The following ESYT3 variants were observed in gnomAD, a reference collection of about 807,000 sequenced individuals.
ESYT3 encodes the protein extended synaptotagmin-3.
ESYT3 carries 101 observed loss-of-function variants against 111.5 expected under a neutral mutation model. That is an observed-to-expected ratio of 0.91 (90% CI 0.77 to 1.07). ESYT3 has a LOEUF of 1.07. ESYT3 is among the 50% of genes least tolerant of loss of function. The pLI, the probability that ESYT3 is intolerant of heterozygous loss-of-function variation, is 0.00. For synonymous variants in ESYT3, 416 were observed against 446.8 expected (o/e 0.93, Z 0.87); for missense variants, 1,097 against 1,109.4 (o/e 0.99, Z 0.16).
At chr3:138,456,187 C>T (rs2032266983) in intron 3 of ESYT3, among the ~76,000 whole-genome samples, 1 of 152,240 alleles carries the variant, frequency 6.6e-6, no homozygotes, top group Admixed American at 6.5e-5. Flanking sequence ...TCTGTTGGTT[C>T]ATGCATTCAT....
chr3:138,461,270 C>T (rs900934668), intron 7 of ESYT3, among the ~76,000 whole-genome samples: 14 of 152,172 alleles, frequency 9.2e-5, no homozygotes, highest in Non-Finnish European at 2.1e-4. Flanking sequence ...TTCCCCTGAC[C>T]GTGGTCACAA....
chr3:138,437,352 G>C (rs2030789751), intron 1 of ESYT3, among the ~76,000 whole-genome samples: 1 of 152,216 alleles, frequency 6.6e-6, no homozygotes, highest in South Asian at 2.1e-4. Flanking sequence ...GGGAAAGGCT[G>C]GCTTCAGCCT....
At chr3:138,437,676 G>A (rs1207053489) in intron 1 of ESYT3, among the ~76,000 whole-genome samples, 1 of 152,156 alleles carries the variant, frequency 6.6e-6, no homozygotes, top group African/African-American at 2.4e-5. Flanking sequence ...ATGGTGGGAC[G>A]AGGAAGGCTG....
At chr3:138,473,013 G>A in intron 18 of ESYT3, 154 bp downstream of exon 18, 1 of 1,477,328 alleles carries the variant, frequency 6.8e-7, no homozygotes, top group Non-Finnish European at 8.9e-7. Flanking sequence ...AAAGAACACA[G>A]GACAAGGGAG....
chr3:138,436,697 AG>A (rs2030723932), intron 1 of ESYT3, among the ~76,000 whole-genome samples: 1 of 152,166 alleles, frequency 6.6e-6, no homozygotes, highest in Non-Finnish European at 1.5e-5. Context: ...TGATTCTGAA[AG>A]GTGTGGACCC....
chr3:138,450,562 C>T (rs1406335228), intron 1 of ESYT3, among the ~76,000 whole-genome samples: 1 of 152,212 alleles, frequency 6.6e-6, no homozygotes, highest in African/African-American at 2.4e-5. Flanking sequence ...GCAAGGGAAA[C>T]TGAGGCTGGG....
At chr3:138,458,473 T>C (rs774006) in intron 4 of ESYT3, among the ~76,000 whole-genome samples, 116,032 of 152,214 alleles carry the variant, frequency 0.76, 44,433 homozygotes, top group East Asian at 0.95. Context: ...TCTGGCTCAC[T>C]CCTGCCCTTT....
intron 18 of ESYT3, 85 bp from the exon 19 acceptor site, chr3:138,473,451 C>A (rs1576468984): frequency 7.4e-6 from 9 of 1,208,128 alleles, no homozygotes; most frequent in South Asian, 1.3e-5. Context: ...ACTCCTCAAG[C>A]AGGAATGCTT....
chr3:138,460,657 C>G lies in ESYT3; in HGVS notation c.785C>G (p.Pro262Arg), dbSNP rs760640866. 6.2e-7 allele frequency: 1 copy of G among 1,614,036 alleles called. No individual in the cohort carries two copies. The highest frequency in any genetic ancestry group is 8.5e-7 in the Non-Finnish European group (1 of 1,179,922). Residue 262 changes from proline (P) to arginine (R), a missense_variant, in exon 7 of 23, where the codon CCG (proline) becomes CGG (arginine). Pro to Arg is a moderately radical substitution (Grantham distance 103, BLOSUM62 -2). Transcript: ENST00000389567. ...WTGLTNLLDAPGINDVSDSLL... is the reference protein window; with the variant it reads ...WTGLTNLLDARGINDVSDSLL... Reference sequence around the variant, plus strand: ...GGCCTGACCAACCTGCTGGATGCGCCGGGAATCAAGTAGGTGCCTGGGAGA... The same window carrying G: ...GGCCTGACCAACCTGCTGGATGCGCGGGGAATCAAGTAGGTGCCTGGGAGA...
chr3:138,476,384 C>G (rs2033482372), intron 21 of ESYT3, 56 bp downstream of exon 21: 1 of 1,603,506 alleles, frequency 6.2e-7, no homozygotes, highest in Non-Finnish European at 8.5e-7. Context: ...TCGCCTTATC[C>G]CAATTTCTTT....
At chr3:138,456,280 T>C (rs1295418005) in intron 3 of ESYT3, among the ~76,000 whole-genome samples, 1 of 152,270 alleles carries the variant, frequency 6.6e-6, no homozygotes, top group Non-Finnish European at 1.5e-5. Context: ...CACCCCTTCC[T>C]GTGGGAGGAA....
intron 16 of ESYT3, 43 bp downstream of exon 16, chr3:138,470,189 T>C (rs2347469): frequency 0.76 from 1,210,814 of 1,594,308 alleles, 461,443 homozygotes; most frequent in East Asian, 0.95. Context: ...TAAGAGGTTT[T>C]TAAGCCAGGC....
At position 138,434,849 on chromosome 3, in the gene ESYT3, C is replaced by G; in HGVS notation, c.51C>G (p.Ala17=). 1 of 1,549,876 alleles carries G rather than the reference C, an allele frequency of 6.5e-7. No homozygotes were observed. Among genetic ancestry groups the G allele is most frequent in the Non-Finnish European group, 8.7e-7 (1 of 1,147,196 alleles). The change falls in exon 1 of 23, where the codon GCC becomes GCG. Residue 17 remains alanine (A), a synonymous_variant. Coordinates refer to ENST00000389567, the MANE Select transcript of ESYT3 (RefSeq NM_031913.5). The part of the protein sequence containing the change: ...CAPGAPSALG[A]QRTPGPELRL... The stretch of plus-strand genomic sequence containing the variant: ...CCGGGGCCCCCAGCGCCCTGGGAGC[C>G]CAGCGCACGCCGGGCCCCGAGCTGC...
At chr3:138,469,605 C>A in intron 15 of ESYT3, 101 bp downstream of exon 15, 1 of 852,256 alleles carries the variant, frequency 1.2e-6, no homozygotes, top group Non-Finnish European at 1.9e-6. Flanking sequence ...TGGTGAATGC[C>A]TAGTAGGCAC....
Position 138,472,476 on chromosome 3 carries a change from A to T in ESYT3, c.1854A>T (p.Gln618His), listed in dbSNP as rs780146769. The T allele has an allele frequency of 6.2e-7, 1 of 1,614,222 alleles. No homozygotes were observed. Among genetic ancestry groups the T allele is most frequent in the Non-Finnish European group, 8.5e-7 (1 of 1,180,046 alleles). The change falls in exon 18 of 23, where the codon CAA becomes CAT. Residue 618 changes from glutamine to histidine, a missense_variant. By Grantham distance (24) the Gln-to-His change is conservative. Coordinates refer to ENST00000389567, the MANE Select transcript of ESYT3 (RefSeq NM_031913.5). The stretch of plus-strand genomic sequence containing the variant: ...CTACCAACCAGGGTCCCAAAGCCCA[A>T]CCTCAGGAAGAAGGCCCTACAGATT... ...KVATNQGPKA[Q>H]PQEEGPTDLP...
At chr3:138,461,955 G>C in intron 7 of ESYT3, 131 bp from the exon 8 acceptor site, 1 of 1,303,938 alleles carries the variant, frequency 7.7e-7, no homozygotes, top group Non-Finnish European at 1.1e-6. Flanking sequence ...CAGGCAAGTG[G>C]GGTCAGGGCT....
rs2033527366 is a variant in ESYT3 at position 138,477,234 on chromosome 3, C to CATAGGGG, written c.*380_*381insATAGGGG. 6.1e-6 allele frequency: 1 copy of CATAGGGG among 165,060 alleles called. No homozygotes were observed. The highest frequency in any genetic ancestry group is 2.4e-5 in the African/African-American group (1 of 41,572). 10.2% of individuals were successfully genotyped at this position (165,060 alleles called of 1,614,324 possible). ...AATGTATGTACCAGAAAGTGTCCTG[C>CATAGGGG]CTCTGGCATAGGGGCTGGGGGAGGT... On this transcript the variant is annotated 3_prime_UTR_variant, in exon 23 of 23. Transcript: ENST00000389567.
At chr3:138,481,090 G>A (rs944690388), downstream of ESYT3, 5 of 152,178 alleles carry the variant, frequency 3.3e-5, no homozygotes, top group African/African-American at 7.2e-5. Flanking sequence ...TCAACTCCAG[G>A]TATATTAGAC....
rs1043604034 is a variant in ESYT3, at chr3:138,472,677, A to G, written c.2055A>G (p.Pro685=). The G allele has an allele frequency of 6.2e-7, 1 of 1,614,226 alleles. No homozygotes were observed. The highest frequency in any genetic ancestry group is 2.2e-5 in the East Asian group (1 of 44,884). Residue 685 remains proline (P), a synonymous_variant, in exon 18 of 23, where the codon CCA becomes CCG. Coordinates refer to ENST00000389567, the MANE Select transcript of ESYT3 (RefSeq NM_031913.5). ...AGCCCATCGGGGAGAAGAAGAGTCC[A>G]GCCACCATCTTCCTGACTGTCCCAG... is the stretch of plus-strand genomic sequence containing the variant. The part of the protein sequence containing the change: ...FCEPIGEKKS[P]ATIFLTVPGP...
Sources: allele counts gnomAD v4.1 joint callset (sites outside exome capture counted in the v4.1 genomes callset), GRCh38; gene constraint gnomAD v4.1.1; transcripts MANE v1.5; gene names NCBI Gene and HGNC (gene_info 2026-07-23, HGNC 2026-07-21).